The following THSD7A variants were observed in gnomAD, a reference collection of about 807,000 sequenced individuals.
THSD7A encodes thrombospondin type 1 domain containing 7A, also known as thrombospondin type-1 domain-containing protein 7A.
In THSD7A, 96 loss-of-function variants were observed where a neutral mutation model predicts 231.3. The observed-to-expected ratio is 0.41, with a 90% CI of 0.35 to 0.49. The LOEUF (loss-of-function observed/expected upper bound fraction) is 0.49, where lower values mean the gene tolerates loss of function less well. Ranked by LOEUF, THSD7A falls within the 20% of genes least tolerant of loss-of-function variation. THSD7A has a pLI of 0.05. For missense variants in THSD7A, 2,290 were observed against 2,070.2 expected (o/e 1.11, Z -2.06); for synonymous variants, 940 against 743.3 (o/e 1.26, Z -4.30).
chr7:11,771,787 A>T (rs1783238528), intron 1 of THSD7A, among the ~76,000 whole-genome samples: 1 of 152,152 alleles, frequency 6.6e-6, no homozygotes, highest in Admixed American at 6.5e-5. Flanking sequence ...GTGGGAGGTG[A>T]TTGGATCATG....
chr7:11,447,838 C>A (rs921077056), intron 11 of THSD7A, among the ~76,000 whole-genome samples: 3 of 152,054 alleles, frequency 2.0e-5, no homozygotes, highest in Admixed American at 2.0e-4. Context: ...CTAGGTATAT[C>A]TAATATTGTT....
At chr7:11,800,291 G>A (rs1784239176) in intron 1 of THSD7A, among the ~76,000 whole-genome samples, 1 of 152,180 alleles carries the variant, frequency 6.6e-6, no homozygotes, top group Admixed American at 6.5e-5. Context: ...GCTCACACCT[G>A]TAATCCCAGC....
chr7:11,499,867 G>C (rs1787260384), intron 6 of THSD7A, among the ~76,000 whole-genome samples: 1 of 152,162 alleles, frequency 6.6e-6, no homozygotes, highest in African/African-American at 2.4e-5. Flanking sequence ...AAGGGAGGGG[G>C]AGAAAACAAA....
chr7:11,463,601 T>C (rs1017925542), intron 9 of THSD7A, among the ~76,000 whole-genome samples: 2 of 152,154 alleles, frequency 1.3e-5, no homozygotes, highest in Non-Finnish European at 2.9e-5. Context: ...GTGTCGTCTG[T>C]ACTATTAATG....
chr7:11,533,587 G>T (rs530561381), intron 6 of THSD7A, among the ~76,000 whole-genome samples: 285 of 152,312 alleles, frequency 1.9e-3, no homozygotes, highest in Non-Finnish European at 3.3e-3. Flanking sequence ...CATGTTGTTT[G>T]CAGGGACATG....
chr7:11,449,937 TG>T (rs1180580713), intron 11 of THSD7A, among the ~76,000 whole-genome samples: 1 of 152,066 alleles, frequency 6.6e-6, no homozygotes, highest in Non-Finnish European at 1.5e-5. Flanking sequence ...AATCGTAAGC[TG>T]TGAAGAGGGT....
At chr7:11,630,418 T>G (rs1223078159) in intron 2 of THSD7A, among the ~76,000 whole-genome samples, 1 of 152,212 alleles carries the variant, frequency 6.6e-6, no homozygotes, top group African/African-American at 2.4e-5. Flanking sequence ...ATGAATTTGG[T>G]AACAGAAATG....
At chr7:11,696,891 C>T (rs1780420547) in intron 1 of THSD7A, among the ~76,000 whole-genome samples, 1 of 151,266 alleles carries the variant, frequency 6.6e-6, no homozygotes, top group Non-Finnish European at 1.5e-5. Flanking sequence ...GAGTTCAGTT[C>T]TAACTGATTA....
chr7:11,489,816 C>G (rs1786813765), intron 6 of THSD7A, among the ~76,000 whole-genome samples: 1 of 152,024 alleles, frequency 6.6e-6, no homozygotes, highest in Non-Finnish European at 1.5e-5. Context: ...GCTAGTTTAG[C>G]TTTGTCTGGT....
chr7:11,396,316 G>C (rs1783184173), intron 23 of THSD7A, among the ~76,000 whole-genome samples: 1 of 151,822 alleles, frequency 6.6e-6, no homozygotes, highest in South Asian at 2.1e-4. Context: ...ATAGAGACAT[G>C]AAACACCCTT....
intron 1 of THSD7A, among the ~76,000 whole-genome samples, chr7:11,725,128 A>T (rs1583228178): frequency 6.6e-6 from 1 of 151,926 alleles, no homozygotes; most frequent in African/African-American, 2.4e-5. Flanking sequence ...TTTACATTTG[A>T]GTTTTAATAG....
At chr7:11,638,701 A>G (rs1279369588) in intron 1 of THSD7A, among the ~76,000 whole-genome samples, 1 of 152,128 alleles carries the variant, frequency 6.6e-6, no homozygotes, top group African/African-American at 2.4e-5. Flanking sequence ...TAACATTCTT[A>G]TAAGGGATAT....
At chr7:11,448,747 C>T (rs569653181) in intron 11 of THSD7A, among the ~76,000 whole-genome samples, 12 of 152,226 alleles carry the variant, frequency 7.9e-5, no homozygotes, top group Non-Finnish European at 1.5e-4. Flanking sequence ...CAACTTAATG[C>T]AACTGCTTCA....
rs997744016 is a variant in THSD7A at position 11,374,300 on chromosome 7, A to T, written c.*1494T>A. 2.0e-5 allele frequency: 3 copies of T among 152,150 alleles called. No homozygotes were observed. The highest frequency in any genetic ancestry group is 7.2e-5 in the African/African-American group (3 of 41,450). The allele number at this position is 152,150 out of a possible 1,614,324, so 9.4% of individuals were successfully genotyped here. A position where few individuals can be genotyped will look rare whatever the true frequency, so the allele number is the denominator to read the frequency against. ...ACCTTGTGGAAAATATTTTCTATATAGTCCTTTACAGAAAAAGTTTGCCAC... is the reference window on the plus strand; with the variant it reads ...ACCTTGTGGAAAATATTTTCTATATTGTCCTTTACAGAAAAAGTTTGCCAC... On this transcript the variant is annotated 3_prime_UTR_variant, in exon 28 of 28. Transcript: ENST00000423059.
rs190878448 is a variant in THSD7A at position 11,680,176 on chromosome 7, C to T, written c.191-43215G>A. Among the ~76,000 whole-genome samples the T allele has an allele frequency of 5.1e-3, 782 of 152,100 alleles. 8 individuals carry two copies. Among genetic ancestry groups the T allele is most frequent in the African/African-American group, 0.018 (748 of 41,496 alleles). On this transcript the variant is annotated intron_variant, in intron 1 of 27. Coordinates refer to ENST00000423059, the MANE Select transcript of THSD7A (RefSeq NM_015204.3). ...CAGAAAACTGAAAGTGGACCCCTTCCTTACACCTTATACAAAAATTAACTC... is the reference window on the plus strand; with the variant it reads ...CAGAAAACTGAAAGTGGACCCCTTCTTTACACCTTATACAAAAATTAACTC...
intron 1 of THSD7A, among the ~76,000 whole-genome samples, chr7:11,783,770 C>A (rs1208439985): frequency 6.6e-6 from 1 of 151,922 alleles, no homozygotes; most frequent in Non-Finnish European, 1.5e-5. Flanking sequence ...CTAAATAGTC[C>A]AAAAATACAC....
At chr7:11,548,933 G>A (rs1789512348) in intron 4 of THSD7A, among the ~76,000 whole-genome samples, 1 of 151,532 alleles carries the variant, frequency 6.6e-6, no homozygotes, top group South Asian at 2.1e-4. Context: ...TTGAGAACTG[G>A]AACAAGACAA....
intron 1 of THSD7A, among the ~76,000 whole-genome samples, chr7:11,694,661 C>G (rs1478297471): frequency 6.6e-6 from 1 of 151,450 alleles, no homozygotes; most frequent in Non-Finnish European, 1.5e-5. Context: ...TCATAGCAAT[C>G]AGAAAAGACA....
chr7:11,700,762 C>T lies in THSD7A; in HGVS notation c.191-63801G>A, dbSNP rs563633024. Among the ~76,000 whole-genome samples the T allele has an allele frequency of 7.9e-5, 12 of 151,190 alleles. No individual in the cohort carries two copies. The East Asian group carries it at 2.2e-3, about 27-fold the overall frequency. On this transcript the variant is annotated intron_variant, in intron 1 of 27. Coordinates refer to ENST00000423059, the MANE Select transcript of THSD7A (RefSeq NM_015204.3). ...AATTTATTGCTCTTGCTCTTATTGC[C>T]TTATCTATCTAATAAGTTATTCCTG...
Sources: gnomAD v4.1 joint callset for allele counts (sites outside exome capture counted in the v4.1 genomes callset) on GRCh38, gnomAD v4.1.1 for gene constraint, MANE v1.5 for transcripts, NCBI Gene and HGNC (gene_info 2026-07-23, HGNC 2026-07-21) for gene names.